The following NHSL3 variants were observed in gnomAD, a reference collection of about 807,000 sequenced individuals.
NHSL3 encodes NHS like 3, also known as NHS-like protein 3.
the NHSL3 span, chr1:32,741,928 C>T: frequency 1.7e-6 from 1 of 602,700 alleles, no homozygotes; most frequent in Non-Finnish European, 2.1e-6. The surrounding 1 kb of genome is among the most constrained non-coding windows in gnomAD (Gnocchi z 4.3). Context: ...GGGGCCTGAC[C>T]CGCCGCCCGC....
At chr1:32,771,218 C>A in the NHSL3 span, 1 of 1,613,110 alleles carries the variant, frequency 6.2e-7, no homozygotes, top group Non-Finnish European at 8.5e-7. Flanking sequence ...CCCAGGAGCC[C>A]TAACCCAGCT....
chr1:32,751,195 C>A, the NHSL3 span, among the ~76,000 whole-genome samples: 1 of 152,210 alleles, frequency 6.6e-6, no homozygotes, highest in Non-Finnish European at 1.5e-5. Context: ...GCCTTCCATA[C>A]CACCTACTTC....
the NHSL3 span, among the ~76,000 whole-genome samples, chr1:32,759,632 G>T: frequency 6.6e-6 from 1 of 152,210 alleles, no homozygotes; most frequent in Non-Finnish European, 1.5e-5. Flanking sequence ...CCCTGCTGGG[G>T]TGGGGCTGGA....
chr1:32,768,731 C>T, the NHSL3 span: 2 of 1,614,134 alleles, frequency 1.2e-6, no homozygotes, highest in Non-Finnish European at 1.7e-6. Flanking sequence ...AGCTCCACAG[C>T]AGAGGACGCG....
the NHSL3 span, among the ~76,000 whole-genome samples, chr1:32,764,012 A>G: frequency 6.6e-6 from 1 of 152,026 alleles, no homozygotes; most frequent in Non-Finnish European, 1.5e-5. Flanking sequence ...GCTGTGAGTC[A>G]CCACGCCTGG....
the NHSL3 span, among the ~76,000 whole-genome samples, chr1:32,742,491 A>G: frequency 6.6e-6 from 1 of 152,232 alleles, no homozygotes; most frequent in Admixed American, 6.5e-5. Flanking sequence ...CCCCTCCCCC[A>G]GGCTCACCGA....
chr1:32,752,197 T>C, the NHSL3 span, among the ~76,000 whole-genome samples: 11 of 152,172 alleles, frequency 7.2e-5, no homozygotes, highest in African/African-American at 2.7e-4. Context: ...CTTGCCAGCC[T>C]TTCAAGGACT....
chr1:32,757,116 A>G, the NHSL3 span, among the ~76,000 whole-genome samples: 1 of 152,346 alleles, frequency 6.6e-6, no homozygotes, highest in East Asian at 1.9e-4. Flanking sequence ...CCTCGGCCTC[A>G]GCCTCTGCTG....
chr1:32,765,788 C>A, the NHSL3 span: 1 of 1,547,700 alleles, frequency 6.5e-7, no homozygotes, highest in Non-Finnish European at 8.7e-7. Context: ...GTTCGTTGGC[C>A]GCCGCCTCCC....
the NHSL3 span, among the ~76,000 whole-genome samples, chr1:32,745,068 G>A: frequency 2.0e-5 from 3 of 150,756 alleles, no homozygotes; most frequent in African/African-American, 7.3e-5. Flanking sequence ...GGAGGTTGCA[G>A]TTAGCCAAGA....
At chr1:32,772,240 G>T in the NHSL3 span, 1 of 1,605,674 alleles carries the variant, frequency 6.2e-7, no homozygotes, top group Non-Finnish European at 8.5e-7. Context: ...GTCACCTAAG[G>T]CTCCCCCACC....
chr1:32,770,797 G>T, the NHSL3 span: 3 of 1,592,714 alleles, frequency 1.9e-6, no homozygotes, highest in Non-Finnish European at 1.7e-6. This position sits in a 1 kb window ranked among gnomAD's most constrained non-coding sequence, Gnocchi z 8.3. Flanking sequence ...ACCCACCACT[G>T]GTGGCTCAGA....
At chr1:32,772,982 A>C in the NHSL3 span, 1 of 1,253,896 alleles carries the variant, frequency 8.0e-7, no homozygotes, top group Non-Finnish European at 1.2e-6. Context: ...AGCAGACACA[A>C]CCTAATAGAG....
chr1:32,752,928 CACACACACACACACACACACACATATAT>C, the NHSL3 span, among the ~76,000 whole-genome samples: 78 of 6,666 alleles, frequency 0.012, 2 homozygotes, highest in African/African-American at 0.02. Context: ...CACACACACA[CACACACACACACACACACACACATATAT>C]ATATATATAT....
At chr1:32,761,604 T>G in the NHSL3 span, among the ~76,000 whole-genome samples, 2 of 152,188 alleles carry the variant, frequency 1.3e-5, no homozygotes, top group Non-Finnish European at 2.9e-5. Flanking sequence ...AGGAAGTCAC[T>G]TAGCTCTCTG....
chr1:32,761,313 G>A, the NHSL3 span, among the ~76,000 whole-genome samples: 4 of 152,172 alleles, frequency 2.6e-5, no homozygotes, highest in African/African-American at 7.2e-5. Context: ...CAGGTGTATA[G>A]ATCTGGGGTG....
At chr1:32,742,145 A>C in the NHSL3 span, 2 of 1,243,992 alleles carry the variant, frequency 1.6e-6, no homozygotes, top group East Asian at 6.3e-5. Flanking sequence ...CCCCGGGCCA[A>C]GAAGGCGGAG....
chr1:32,771,482 A>G, the NHSL3 span: 5 of 1,571,054 alleles, frequency 3.2e-6, no homozygotes, highest in Non-Finnish European at 4.3e-6. Context: ...CAAGATCCCA[A>G]CTGGCCCCCT....
At chr1:32,773,050 C>G in the NHSL3 span, 4 of 681,412 alleles carry the variant, frequency 5.9e-6, no homozygotes, top group Non-Finnish European at 1.0e-5. Flanking sequence ...CCTGGTGTTG[C>G]TCCTGTCCTC....
Sources: gnomAD v4.1 joint callset for allele counts (sites outside exome capture counted in the v4.1 genomes callset) on GRCh38, gnomAD v4.1.1 for gene constraint, Gnocchi (gnomAD v3.1) non-coding constraint, MANE v1.5 for transcripts, NCBI Gene and HGNC (gene_info 2026-07-23, HGNC 2026-07-21) for gene names.